Variants in ACSS1 observed in about 807,000 individuals in gnomAD.
ACSS1 encodes acyl-CoA synthetase short chain family member 1.
ACSS1 carries 42 observed loss-of-function variants against 75.3 expected under a neutral mutation model. That is an observed-to-expected ratio of 0.56 (90% confidence interval 0.44 to 0.72). ACSS1 has a LOEUF of 0.72. ACSS1 is among the 30% of genes least tolerant of loss of function. The pLI is 0.00. For missense variants in ACSS1, 782 were observed against 935.7 expected (o/e 0.84, Z 2.14); for synonymous variants, 380 against 376.8 (o/e 1.01, Z -0.10).
chr20:25,033,416 G>A (rs2088860291), intron 2 of ACSS1, among the ~76,000 whole-genome samples: 1 of 152,186 alleles, frequency 6.6e-6, no homozygotes, highest in South Asian at 2.1e-4. Flanking sequence ...CTGAGAAACA[G>A]CAAGCACCCT....
intron 2 of ACSS1, among the ~76,000 whole-genome samples, chr20:25,041,261 A>G (rs1192954524): frequency 1.7e-5 from 2 of 118,304 alleles, no homozygotes; most frequent in Non-Finnish European, 3.9e-5. Context: ...CCGTCTCAAA[A>G]AAAAAAAAAA....
chr20:25,043,274 C>A (rs148973427), intron 2 of ACSS1, among the ~76,000 whole-genome samples: 6 of 152,226 alleles, frequency 3.9e-5, no homozygotes, highest in African/African-American at 4.8e-5. Context: ...CCTGCTCCCC[C>A]CAAGGGACCA....
In ACSS1 at chr20:25,012,596, C is replaced by T; in HGVS notation, c.1771+5G>A. 6.2e-7 allele frequency: 1 copy of T among 1,614,200 alleles called. No homozygotes were observed. Among genetic ancestry groups the T allele is most frequent in the Non-Finnish European group, 8.5e-7 (1 of 1,180,030 alleles). On this transcript the variant is annotated splice_donor_5th_base_variant and intron_variant, in intron 12 of 13. Coordinates refer to ENST00000323482, the MANE Select transcript of ACSS1 (RefSeq NM_032501.4). ...CAGGGAGGAGCTCATCTCCAGGACACTCACCTTCTCCTTTGATGTCGTGGG... is the reference window on the plus strand; with the variant it reads ...CAGGGAGGAGCTCATCTCCAGGACATTCACCTTCTCCTTTGATGTCGTGGG...
At chr20:25,014,213 G>GACCCAC in intron 8 of ACSS1, 140 bp from the exon 9 acceptor site, 1 of 705,816 alleles carries the variant, frequency 1.4e-6, no homozygotes, top group Non-Finnish European at 2.4e-6. Flanking sequence ...AGGCAAACCA[G>GACCCAC]ATGTGGGTCT....
chr20:25,040,336 T>C (rs2088980815), intron 2 of ACSS1, among the ~76,000 whole-genome samples: 1 of 152,204 alleles, frequency 6.6e-6, no homozygotes, highest in African/African-American at 2.4e-5. Flanking sequence ...GGGGTCCTTC[T>C]ATTTATCAGG....
chr20:25,043,802 G>A (rs1407645326), intron 2 of ACSS1, among the ~76,000 whole-genome samples: 1 of 152,208 alleles, frequency 6.6e-6, no homozygotes, highest in African/African-American at 2.4e-5. Context: ...GCCTGCCAGG[G>A]CTGGAATACT....
chr20:25,039,838 G>T (rs568350837), intron 2 of ACSS1, among the ~76,000 whole-genome samples: 1 of 152,366 alleles, frequency 6.6e-6, no homozygotes, highest in Non-Finnish European at 1.5e-5. Context: ...CCCAAGTCTT[G>T]TCTCTGGAAA....
chr20:25,042,264 G>A (rs1231886941), intron 2 of ACSS1, among the ~76,000 whole-genome samples: 2 of 152,278 alleles, frequency 1.3e-5, no homozygotes, highest in East Asian at 1.9e-4. Context: ...GGCAGCAGCC[G>A]CAGCCTGGGG....
At chr20:25,024,426 C>T (rs767397939) in intron 3 of ACSS1, among the ~76,000 whole-genome samples, 3 of 152,142 alleles carry the variant, frequency 2.0e-5, no homozygotes, top group Non-Finnish European at 4.4e-5. Flanking sequence ...CGGGGGGTTA[C>T]TACACAGCCC....
chr20:25,057,903 CG>C lies in ACSS1; in HGVS notation c.199del (p.Arg67GlyfsTer42). 1 of 1,612,086 alleles carries C rather than the reference CG, an allele frequency of 6.2e-7. No homozygotes were observed. Among genetic ancestry groups the C allele is most frequent in the Non-Finnish European group, 8.5e-7 (1 of 1,179,534 alleles). On this transcript the variant is annotated frameshift_variant, in exon 1 of 14. Transcript: ENST00000323482. LOFTEE classifies it high-confidence loss of function. The part of the protein sequence containing the change: ...SYPALSAQAA[R>X]EPAAFWGPLA... ...AGGCCCCCAGAAGGCGGCCGGCTCC[CG>C]GGCTGCCTGTGCACTCAGCGCGGGA...
chr20:25,034,452 C>T (rs2088876034), intron 2 of ACSS1, among the ~76,000 whole-genome samples: 2 of 152,176 alleles, frequency 1.3e-5, no homozygotes, highest in Non-Finnish European at 2.9e-5. Context: ...TCGAGCCCTC[C>T]ATGACGGCAC....
chr20:25,044,048 G>A (rs1215945182), intron 2 of ACSS1, among the ~76,000 whole-genome samples: 2 of 152,178 alleles, frequency 1.3e-5, no homozygotes, highest in African/African-American at 4.8e-5. Flanking sequence ...TCCTCTGTGT[G>A]GGGGCATACC....
At chr20:25,034,501 C>T (rs2088876960) in intron 2 of ACSS1, among the ~76,000 whole-genome samples, 1 of 152,144 alleles carries the variant, frequency 6.6e-6, no homozygotes, top group Non-Finnish European at 1.5e-5. Context: ...CAAATGGACC[C>T]CCACATTCTC....
chr20:25,009,052 T>G (rs1016387641), intron 13 of ACSS1, among the ~76,000 whole-genome samples: 1 of 152,234 alleles, frequency 6.6e-6, no homozygotes, highest in Non-Finnish European at 1.5e-5. Context: ...GAAACCTGCC[T>G]AGGCGACCTC....
intron 2 of ACSS1, among the ~76,000 whole-genome samples, chr20:25,033,552 T>C (rs560573308): frequency 5.1e-4 from 78 of 152,364 alleles, no homozygotes; most frequent in African/African-American, 1.8e-3. Flanking sequence ...TTGAAATCGT[T>C]TTCTAAAATG....
At chr20:25,048,256 G>A in intron 1 of ACSS1, 75 bp from the exon 2 acceptor site, 1 of 1,331,146 alleles carries the variant, frequency 7.5e-7, no homozygotes, top group Non-Finnish European at 1.1e-6. Flanking sequence ...TGAGGGGTTG[G>A]AGCGGGTCTA....
At chr20:25,016,370 C>A (rs1180180601) in intron 7 of ACSS1, among the ~76,000 whole-genome samples, 1 of 152,136 alleles carries the variant, frequency 6.6e-6, no homozygotes, top group Non-Finnish European at 1.5e-5. Flanking sequence ...AACATCTGTA[C>A]CCTTTAGTAC....
intron 9 of ACSS1, 48 bp from the exon 10 acceptor site, chr20:25,013,710 A>G: frequency 6.4e-7 from 1 of 1,560,888 alleles, no homozygotes; most frequent in Non-Finnish European, 8.7e-7. Flanking sequence ...TCTGGGTGAG[A>G]AGTGTGCCAA....
chr20:25,033,105 G>A (rs1300940326), intron 2 of ACSS1, among the ~76,000 whole-genome samples: 1 of 152,114 alleles, frequency 6.6e-6, no homozygotes, highest in Admixed American at 6.5e-5. Flanking sequence ...CCGGGGAGGA[G>A]GCTGGGGTGG....
Sources: allele counts gnomAD v4.1 joint callset (sites outside exome capture counted in the v4.1 genomes callset), GRCh38; gene constraint gnomAD v4.1.1; transcripts MANE v1.5; gene names NCBI Gene and HGNC (gene_info 2026-07-23, HGNC 2026-07-21).